Variants in DYSF observed in about 807,000 individuals in gnomAD.
The protein encoded by DYSF is dystrophy-associated fer-1-like 1.
Under a neutral mutation model 274.9 loss-of-function variants are expected in DYSF, and 212 were observed. The observed-to-expected ratio is 0.77, with a 90% CI of 0.69 to 0.86. The LOEUF is 0.86. Among genes scored for constraint, DYSF ranks in the 40% least tolerant of loss-of-function variants. The pLI, the probability that DYSF is intolerant of heterozygous loss-of-function variation, is 0.00. For synonymous variants in DYSF, 1,091 were observed against 1,078.7 expected, an observed-to-expected ratio of 1.01 and a Z score of -0.22; for missense variants, 2,666 against 2,783.2, an observed-to-expected ratio of 0.96 and a Z score of 0.95.
chr2:71,607,153 C>T lies in DYSF; in HGVS notation c.3958-4092C>T, dbSNP rs759737489. Among the ~76,000 whole-genome samples, 28 of 152,146 alleles carry T rather than the reference C, an allele frequency of 1.8e-4. 1 individual carries two copies. The highest frequency in any genetic ancestry group is 7.3e-5 in the Non-Finnish European group (5 of 68,034). On this transcript the variant is annotated intron_variant, in intron 36 of 55. Coordinates refer to ENST00000410020, the MANE Select transcript of DYSF (RefSeq NM_001130987.2). ...TATGGGAGCTACGGGGGTACTTAAG[C>T]TTGGGGCACCAGGAAAGATTTAAAT...
chr2:71,482,594 C>T (rs905170353), intron 3 of DYSF, among the ~76,000 whole-genome samples: 10 of 151,934 alleles, frequency 6.6e-5, no homozygotes, highest in Admixed American at 5.9e-4. Flanking sequence ...CCTAGGCAGG[C>T]GATGAATCCC....
Position 71,673,411 on chromosome 2 carries a change from C to T in DYSF, c.5785-786C>T, listed in dbSNP as rs780503207. 8.5e-5 allele frequency among the ~76,000 whole-genome samples: 13 copies of T among 152,266 alleles called. No homozygotes were observed. In the South Asian group the frequency reaches 2.7e-3, roughly 32 times the overall value. On this transcript the variant is annotated intron_variant, in intron 51 of 55. Transcript: ENST00000410020. ...GGGAGGTGGGGTGGGGAGAGAAGGG[C>T]CCCTCCTCTCCTTTCAGCAGGAGAC...
chr2:71,524,465 C>T (rs572875274), intron 12 of DYSF, among the ~76,000 whole-genome samples: 30 of 152,238 alleles, frequency 2.0e-4, no homozygotes, highest in African/African-American at 6.0e-4. Flanking sequence ...GGAGAATAAA[C>T]GCAGAACACA....
intron 1 of DYSF, 149 bp downstream of exon 1, chr2:71,467,082 A>T (rs1359240845): frequency 4.2e-6 from 5 of 1,178,662 alleles, no homozygotes; most frequent in Non-Finnish European, 5.9e-6. Context: ...CCCAGCCCCG[A>T]CTTCTGCAGG....
chr2:71,542,034 T>C (rs959135990), intron 17 of DYSF, among the ~76,000 whole-genome samples: 5 of 152,260 alleles, frequency 3.3e-5, no homozygotes, highest in Non-Finnish European at 7.4e-5. Flanking sequence ...GAAGGCAGAG[T>C]GGGGGAGTGG....
rs1452482319 is a variant in DYSF, at chr2:71,615,409, G to A, written c.4464+1999G>A. 6.6e-6 allele frequency among the ~76,000 whole-genome samples: 1 copy of A among 152,100 alleles called. No homozygotes were observed. Among genetic ancestry groups the A allele is most frequent in the African/African-American group, 2.4e-5 (1 of 41,422 alleles). The stretch of plus-strand genomic sequence containing the variant: ...AATGACACTGATTTGCTCTGATGGG[G>A]GAGGCTTGGACCTTGCCCTCATGGA... On this transcript the variant is annotated intron_variant, in intron 40 of 55. Transcript: ENST00000410020. The surrounding 1 kb of genome is among the most constrained non-coding windows in gnomAD (Gnocchi z 4.9).
In DYSF at chr2:71,481,966, A is replaced by T; in HGVS notation, c.235A>T (p.Asn79Tyr). Residue 79 changes from asparagine to tyrosine, a missense_variant, in exon 3 of 56, where the codon AAC (asparagine) becomes TAC (tyrosine). This residue lies in a region of DYSF where 794 missense variants were observed against 777.1 expected (regional missense o/e 1.02). Transcript: ENST00000410020. Reference protein sequence around the residue: ...VVKDHETMGRNRFLGEAKVPL... With the variant: ...VVKDHETMGRYRFLGEAKVPL... ...CAAAGACCATGAGACGATGGGGAGG[A>T]ACAGGTAAGGTGGCCAGAGGGGGGT... The T allele has an allele frequency of 6.2e-7, 1 of 1,613,876 alleles. No homozygotes were observed. Among genetic ancestry groups the T allele is most frequent in the Non-Finnish European group, 8.5e-7 (1 of 1,179,936 alleles).
At chr2:71,636,023 C>T (rs1230034293) in intron 41 of DYSF, among the ~76,000 whole-genome samples, 3 of 152,012 alleles carry the variant, frequency 2.0e-5, no homozygotes, top group Non-Finnish European at 2.9e-5. Flanking sequence ...AGGGATCTAT[C>T]AGGGGGAATA....
intron 1 of DYSF, among the ~76,000 whole-genome samples, chr2:71,454,767 C>T (rs2080984370): frequency 1.3e-5 from 2 of 152,156 alleles, no homozygotes; most frequent in African/African-American, 4.8e-5. Context: ...AGGGAAGCCA[C>T]TCCCTTATCA....
intron 17 of DYSF, among the ~76,000 whole-genome samples, chr2:71,541,518 T>TC (rs397765715): frequency 6.6e-6 from 1 of 151,966 alleles, no homozygotes; most frequent in Non-Finnish European, 1.5e-5. Context: ...AGTTTTTTTT[T>TC]CTTGATTAGC....
At chr2:71,659,121 G>A (rs1272012617) in intron 44 of DYSF, 88 bp downstream of exon 44, 1 of 1,556,856 alleles carries the variant, frequency 6.4e-7, no homozygotes, top group South Asian at 1.1e-5. Context: ...TCTGCCTCAG[G>A]GAGTTCATAG....
chr2:71,528,483 A>T, intron 14 of DYSF, 82 bp downstream of exon 14: 1 of 1,174,228 alleles, frequency 8.5e-7, no homozygotes, highest in Non-Finnish European at 1.3e-6. Flanking sequence ...AGAGCAAGAC[A>T]GAGTGAGATG....
chr2:71,579,889 G>A (rs2092829030), intron 30 of DYSF, among the ~76,000 whole-genome samples: 1 of 152,222 alleles, frequency 6.6e-6, no homozygotes, highest in Admixed American at 6.5e-5. Context: ...CTGCTGGACA[G>A]TGCTGCTCTG....
At chr2:71,670,036 T>C (rs1037808103) in intron 51 of DYSF, among the ~76,000 whole-genome samples, 1 of 152,164 alleles carries the variant, frequency 6.6e-6, no homozygotes, top group African/African-American at 2.4e-5. Context: ...GCCTCCTCAC[T>C]GCCAAATGTC....
intron 3 of DYSF, among the ~76,000 whole-genome samples, chr2:71,487,931 A>G (rs549168197): frequency 1.3e-5 from 2 of 152,342 alleles, no homozygotes; most frequent in Admixed American, 1.3e-4. Context: ...AATCACCATC[A>G]AGTAATAATG....
Position 71,669,603 on chromosome 2 carries a change from A to G in DYSF, c.5643-2A>G, listed in dbSNP as rs2152956502. 6.2e-7 allele frequency: 1 copy of G among 1,614,214 alleles called. No individual in the cohort carries two copies. The highest frequency in any genetic ancestry group is 1.7e-5 in the Admixed American group (1 of 60,022). On this transcript the variant is annotated splice_acceptor_variant, in intron 50 of 55. Transcript: ENST00000410020. LOFTEE classifies it high-confidence loss of function. The stretch of plus-strand genomic sequence containing the variant: ...CTATTCTCTAAAAACATGTATGTCT[A>G]GTTGGATGATTGGCTTTGAAGAACA...
intron 36 of DYSF, among the ~76,000 whole-genome samples, chr2:71,610,211 A>T (rs1265844387): frequency 6.6e-6 from 1 of 152,286 alleles, no homozygotes; most frequent in African/African-American, 2.4e-5. Flanking sequence ...TCTTAAGCAC[A>T]TTTTTCTCTA....
At chr2:71,562,057 G>A in intron 23 of DYSF, 113 bp downstream of exon 23, 2 of 1,425,060 alleles carry the variant, frequency 1.4e-6, no homozygotes, top group Non-Finnish European at 1.9e-6. Flanking sequence ...TTCCATTGCT[G>A]GGTGACCTTG....
chr2:71,652,970 G>T (rs951902319), intron 42 of DYSF, among the ~76,000 whole-genome samples: 1 of 152,222 alleles, frequency 6.6e-6, no homozygotes, highest in African/African-American at 2.4e-5. Context: ...GTACCAAATT[G>T]AATTGAGTGT....
Sources: allele counts gnomAD v4.1 joint callset (sites outside exome capture counted in the v4.1 genomes callset), GRCh38; gene constraint gnomAD v4.1.1; regional missense constraint gnomAD v4.1.1; non-coding constraint Gnocchi (gnomAD v3.1); transcripts MANE v1.5; gene names NCBI Gene and HGNC (gene_info 2026-07-23, HGNC 2026-07-21).